Variants in HELQ observed in about 807,000 individuals in gnomAD.
The protein encoded by HELQ is helicase POLQ-like.
A neutral mutation model predicts 111.6 loss-of-function variants in HELQ; 77 were observed. The ratio of observed to expected loss-of-function variants is 0.69; its 90% confidence interval spans 0.57 to 0.83. The LOEUF is 0.83. HELQ is among the 40% of genes least tolerant of loss of function. The pLI is 0.00. For synonymous variants in HELQ, 438 were observed against 454.7 expected (o/e 0.96, Z 0.47); for missense variants, 1,200 against 1,288.5 (o/e 0.93, Z 1.05).
In HELQ at chr4:83,412,230, G is replaced by A. The variant is rs140029030; in HGVS notation, c.3198+4501C>T. 1.3e-3 allele frequency among the ~76,000 whole-genome samples: 200 copies of A among 152,274 alleles called. 1 individual carries two copies. Among genetic ancestry groups the A allele is most frequent in the African/African-American group, 4.6e-3 (191 of 41,552 alleles). ...CCTATTTCTAGTTTCACTGTTTTATGTAGTGTCTCTTTAGTTCACTGGTCT... is the reference window on the plus strand; with the variant it reads ...CCTATTTCTAGTTTCACTGTTTTATATAGTGTCTCTTTAGTTCACTGGTCT... On this transcript the variant is annotated intron_variant, in intron 17 of 17. Coordinates refer to ENST00000295488, the MANE Select transcript of HELQ (RefSeq NM_133636.5).
intron 7 of HELQ, 31 bp from the exon 8 acceptor site, chr4:83,440,039 G>A (rs1286331616): frequency 6.3e-7 from 1 of 1,575,866 alleles, no homozygotes; most frequent in Admixed American, 1.9e-5. Context: ...GGAACAAAGT[G>A]GTTAGTAAAC....
Position 83,431,768 on chromosome 4 carries a change from C to A in HELQ, c.2191G>T (p.Val731Leu). 1.5e-6 allele frequency: 2 copies of A among 1,377,324 alleles called. No individual in the cohort carries two copies. The highest frequency in any genetic ancestry group is 2.0e-6 in the Non-Finnish European group (2 of 1,024,506). The allele number at this position is 1,377,324 out of a possible 1,614,324, so 85.3% of individuals were successfully genotyped here. A position where few individuals can be genotyped will look rare whatever the true frequency, so the allele number is the denominator to read the frequency against. Residue 731 changes from valine to leucine, a missense_variant and splice_region_variant, in exon 11 of 18, where the codon GTA becomes TTA. Physicochemically the swap from Val to Leu is conservative, Grantham distance 32 (BLOSUM62 1). Coordinates refer to ENST00000295488, the MANE Select transcript of HELQ (RefSeq NM_133636.5). ...AATGGTTTAGTTATTAACTCCAATA[C>A]CTATAAAGGTTAAAGCAAAACCATG... is the stretch of plus-strand genomic sequence containing the variant. ...LILQEKDKQQVLELITKPLEN... is the reference protein window; with the variant it reads ...LILQEKDKQQLLELITKPLEN...
chr4:83,429,513 TA>T lies in HELQ; in HGVS notation c.2518+10del. 6.6e-7 allele frequency: 1 copy of T among 1,509,718 alleles called. No homozygotes were observed. Among genetic ancestry groups the T allele is most frequent in the Non-Finnish European group, 9.1e-7 (1 of 1,094,698 alleles). The allele number at this position is 1,509,718 out of a possible 1,614,324, so 93.5% of individuals were successfully genotyped here. A position where few individuals can be genotyped will look rare whatever the true frequency, so the allele number is the denominator to read the frequency against. ...TTTCCTATGATCAATAAGATTTAGG[TA>T]AACTCTTACCCTTAAATGAAGCACG... On this transcript the variant is annotated intron_variant, in intron 12 of 17. Transcript: ENST00000295488.
At chr4:83,440,295 G>A (rs1226762449) in intron 7 of HELQ, among the ~76,000 whole-genome samples, 3 of 152,098 alleles carry the variant, frequency 2.0e-5, no homozygotes, top group Non-Finnish European at 4.4e-5. Flanking sequence ...AATAGTTAAT[G>A]TTATTAATAG....
chr4:83,407,930 CATTTT>C (rs1394829206), intron 17 of HELQ, among the ~76,000 whole-genome samples: 1 of 152,114 alleles, frequency 6.6e-6, no homozygotes, highest in Non-Finnish European at 1.5e-5. Flanking sequence ...TATATATATG[CATTTT>C]ATTATTCCTC....
chr4:83,438,641 C>T (rs888476258), intron 8 of HELQ, among the ~76,000 whole-genome samples: 1 of 148,144 alleles, frequency 6.8e-6, no homozygotes, highest in African/African-American at 2.6e-5. Flanking sequence ...ACTTGGGAGG[C>T]TGAGGTAGGA....
chr4:83,416,952 G>T, intron 16 of HELQ, 87 bp from the exon 17 acceptor site: 2 of 1,112,856 alleles, frequency 1.8e-6, no homozygotes, highest in Non-Finnish European at 2.6e-6. Context: ...AACAAAAACT[G>T]CATGTAAGAG....
intron 14 of HELQ, among the ~76,000 whole-genome samples, chr4:83,423,769 T>C (rs980347122): frequency 1.3e-5 from 2 of 151,912 alleles, no homozygotes; most frequent in Non-Finnish European, 1.5e-5. Context: ...AAATTAGCTG[T>C]ATATGATGGC....
Position 83,453,328 on chromosome 4 carries a change from T to C in HELQ, c.915A>G (p.Thr305=). 1 of 1,613,726 alleles carries C rather than the reference T, an allele frequency of 6.2e-7. No individual in the cohort carries two copies. Among genetic ancestry groups the C allele is most frequent in the Non-Finnish European group, 8.5e-7 (1 of 1,179,830 alleles). ...LSEEINVAKK[T]VESSSNDLGP... Reference sequence around the variant, plus strand: ...CAAGGTCATTTGATGATGACTCAACTGTTTTCTTAGCAACATTAATTTCCT... The same window carrying C: ...CAAGGTCATTTGATGATGACTCAACCGTTTTCTTAGCAACATTAATTTCCT... Residue 305 remains threonine, a synonymous_variant, in exon 2 of 18, where the codon ACA becomes ACG. Transcript: ENST00000295488.
At position 83,407,482 on chromosome 4, in the gene HELQ, C is replaced by T. The variant is rs199982034; in HGVS notation, c.3277G>A (p.Ala1093Thr). 8.2e-5 allele frequency: 132 copies of T among 1,608,840 alleles called. No homozygotes were observed. The African/African-American group carries it at 1.4e-3, about 18-fold the overall frequency. ...LLRLPSDFPG[A>T]VASSTDKA is the part of the protein sequence containing the mutation. ...GCTTTGTCAGTGGAAGAAGCCACAG[C>T]ACCAGGGAAATCAGAAGGCAATCTT... is the stretch of plus-strand genomic sequence containing the variant. The change falls in exon 18 of 18, where the codon GCT (alanine) becomes ACT (threonine). Residue 1093 changes from alanine to threonine, a missense_variant. Transcript: ENST00000295488.
chr4:83,440,307 C>T (rs936059218), intron 7 of HELQ, among the ~76,000 whole-genome samples: 3 of 151,920 alleles, frequency 2.0e-5, no homozygotes, highest in African/African-American at 4.8e-5. Context: ...TATTAATAGC[C>T]TCACTACATG....
intron 8 of HELQ, among the ~76,000 whole-genome samples, chr4:83,438,543 C>T (rs1720584098): frequency 6.6e-6 from 1 of 151,960 alleles, no homozygotes; most frequent in Non-Finnish European, 1.5e-5. Flanking sequence ...GAGTTCGAAA[C>T]CAGCCTGGGC....
chr4:83,452,648 A>G (rs999384388), intron 2 of HELQ, among the ~76,000 whole-genome samples: 20 of 152,234 alleles, frequency 1.3e-4, no homozygotes, highest in Non-Finnish European at 2.8e-4. Flanking sequence ...TCTCTACTAG[A>G]CAATCGGGGT....
chr4:83,448,669 C>CA (rs34960937), intron 3 of HELQ, 114 bp downstream of exon 3: 207,757 of 663,862 alleles, frequency 0.31, 11,296 homozygotes, highest in African/African-American at 0.45. Flanking sequence ...GACTCCATCT[C>CA]AAAAAAAAAA....
chr4:83,453,718 C>G lies in HELQ; in HGVS notation c.525G>C (p.Glu175Asp). Residue 175 changes from glutamate (E) to aspartate (D), a missense_variant, in exon 2 of 18, where the codon GAG (glutamate) becomes GAC (aspartate). This residue lies in a region of HELQ where 610 missense variants were observed against 607.1 expected (regional missense o/e 1.00). Transcript: ENST00000295488. ...LTELQTDKHT[E>D]NQSGYEGVTI... Reference sequence around the variant, plus strand: ...TGACACCTTCATATCCACTCTGGTTCTCTGTGTGCTTATCAGTTTGTAATT... The same window carrying G: ...TGACACCTTCATATCCACTCTGGTTGTCTGTGTGCTTATCAGTTTGTAATT... 6.2e-7 allele frequency: 1 copy of G among 1,614,040 alleles called. No individual in the cohort carries two copies. Among genetic ancestry groups the G allele is most frequent in the East Asian group, 2.2e-5 (1 of 44,884 alleles).
rs759408502 is a variant in HELQ at position 83,455,379 on chromosome 4, G to A, written c.297+18C>T. The stretch of plus-strand genomic sequence containing the variant: ...GGATGCCAAAAGTTTGCAGTTTCAA[G>A]TTCCAAGTCCTCCGTACCTGGTCTC... On this transcript the variant is annotated intron_variant, in intron 1 of 17. Transcript: ENST00000295488. 3 of 1,601,832 alleles carry A rather than the reference G, an allele frequency of 1.9e-6. No homozygotes were observed. The East Asian group carries it at 6.7e-5, about 36-fold the overall frequency.
At chr4:83,419,013 T>A (rs1208931682) in intron 15 of HELQ, among the ~76,000 whole-genome samples, 1 of 152,230 alleles carries the variant, frequency 6.6e-6, no homozygotes, top group African/African-American at 2.4e-5. Context: ...ACAATTAATG[T>A]ACCATTTCAT....
chr4:83,439,749 A>G, intron 8 of HELQ, 114 bp downstream of exon 8: 1 of 714,234 alleles, frequency 1.4e-6, no homozygotes, highest in South Asian at 2.0e-5. Flanking sequence ...GTATACTAAA[A>G]CAACTTAATA....
At chr4:83,437,851 A>G (rs1036128117) in intron 8 of HELQ, among the ~76,000 whole-genome samples, 1 of 152,140 alleles carries the variant, frequency 6.6e-6, no homozygotes, top group Non-Finnish European at 1.5e-5. Context: ...CATACATATT[A>G]TTAAATCATA....
Sources: allele counts gnomAD v4.1 joint callset (sites outside exome capture counted in the v4.1 genomes callset), GRCh38; gene constraint gnomAD v4.1.1; regional missense constraint gnomAD v4.1.1; transcripts MANE v1.5; gene names NCBI Gene and HGNC (gene_info 2026-07-23, HGNC 2026-07-21).